The following FAM149A variants were observed in gnomAD, a reference collection of about 807,000 sequenced individuals.
FAM149A encodes protein FAM149A.
Under a neutral mutation model 78.2 loss-of-function variants are expected in FAM149A, and 71 were observed. The observed-to-expected ratio is 0.91, with a 90% CI of 0.75 to 1.11. The LOEUF is 1.11. Ranked by LOEUF, FAM149A falls within the 50% of genes least tolerant of loss-of-function variation. FAM149A has a pLI of 0.00. For missense variants in FAM149A, 1,036 were observed against 971.0 expected (o/e 1.07, Z -0.89); for synonymous variants, 446 against 410.5 (o/e 1.09, Z -1.04).
At chr4:186,167,162 G>C in intron 12 of FAM149A, 22 bp from the exon 13 acceptor site, 1 of 1,606,600 alleles carries the variant, frequency 6.2e-7, no homozygotes, top group Non-Finnish European at 8.5e-7. Context: ...ACTTGTCCCT[G>C]ATTTTATTTT....
intron 8 of FAM149A, among the ~76,000 whole-genome samples, chr4:186,161,830 C>T (rs1270698556): frequency 6.6e-6 from 1 of 152,238 alleles, no homozygotes; most frequent in Non-Finnish European, 1.5e-5. Context: ...GTGGTTGCCA[C>T]ATGTGCTCAT....
At chr4:186,160,094 TACAC>T (rs1276516272) in intron 8 of FAM149A, among the ~76,000 whole-genome samples, 1 of 83,810 alleles carries the variant, frequency 1.2e-5, no homozygotes. Context: ...ACATACCACA[TACAC>T]ACTACACACA....
In FAM149A at chr4:186,164,200, T is replaced by G. The variant is rs1193600489; in HGVS notation, c.1889+567T>G. Among the ~76,000 whole-genome samples, 1 of 152,214 alleles carries G rather than the reference T, an allele frequency of 6.6e-6. No homozygotes were observed. The highest frequency in any genetic ancestry group is 6.5e-5 in the Admixed American group (1 of 15,288). On this transcript the variant is annotated intron_variant, in intron 10 of 13. Transcript: ENST00000389354. This position sits in a 1 kb window ranked among gnomAD's most constrained non-coding sequence, Gnocchi z 4.0. ...TAATAGCTAATGTTTATTGATCACT[T>G]TCTTTGTTATCAGCGCCAGGTAAAT...
rs954813138 is a variant in FAM149A, at chr4:186,104,927, G to A, written c.-150G>A. The A allele has an allele frequency of 4.9e-5, 56 of 1,136,898 alleles. No individual in the cohort carries two copies. The highest frequency in any genetic ancestry group is 1.5e-4 in the Admixed American group (3 of 20,236). 70.4% of individuals were successfully genotyped at this position (1,136,898 alleles called of 1,614,324 possible). On this transcript the variant is annotated 5_prime_UTR_variant, in exon 1 of 14. Transcript: ENST00000389354. Reference sequence around the variant, plus strand: ...GGCGACCCCAGCGGCGCGGAGCTGAGCGTCCTCGGGGAGGAGAGGGAGCCA... The same window carrying A: ...GGCGACCCCAGCGGCGCGGAGCTGAACGTCCTCGGGGAGGAGAGGGAGCCA...
chr4:186,169,549 C>A, intron 13 of FAM149A: 2 of 985,452 alleles, frequency 2.0e-6, no homozygotes, highest in Non-Finnish European at 2.4e-6. Context: ...CGTCAGCCCA[C>A]CACGCTGCTC....
intron 1 of FAM149A, among the ~76,000 whole-genome samples, chr4:186,108,916 C>T (rs966915757): frequency 4.7e-5 from 7 of 150,200 alleles, no homozygotes; most frequent in Non-Finnish European, 1.0e-4. Flanking sequence ...GGCGCGATCT[C>T]GGCTCACTGC....
intron 6 of FAM149A, among the ~76,000 whole-genome samples, chr4:186,155,395 A>G (rs981853045): frequency 1.3e-5 from 2 of 152,246 alleles, no homozygotes; most frequent in Admixed American, 6.5e-5. Flanking sequence ...ACTGAAATCA[A>G]GCATCTTTTC....
intron 3 of FAM149A, among the ~76,000 whole-genome samples, chr4:186,150,413 C>CTCTCT (rs1733407678): frequency 1.2e-5 from 1 of 84,290 alleles, no homozygotes; most frequent in African/African-American, 6.0e-5. Context: ...CTCTCTGTCT[C>CTCTCT]TTTTTTTTTT....
At chr4:186,110,995 GT>G (rs1469292785) in intron 1 of FAM149A, among the ~76,000 whole-genome samples, 1 of 126,170 alleles carries the variant, frequency 7.9e-6, no homozygotes, top group Non-Finnish European at 1.6e-5. Flanking sequence ...GGTTGAACTA[GT>G]TTACAGTCCC....
intron 1 of FAM149A, chr4:186,146,836 T>C (rs1468715006): frequency 8.1e-6 from 8 of 985,344 alleles, no homozygotes; most frequent in Non-Finnish European, 9.6e-6. Context: ...GCATAAACAT[T>C]CAGAGTAATT....
rs1448858078 is a variant in FAM149A at position 186,167,028 on chromosome 4, T to A, written c.2071T>A (p.Ser691Thr). ...TGCCATGCCTGACGGTACAGAACGATCGCGTCTTCGAGAAAGAACAGCCAC... is the reference window on the plus strand; with the variant it reads ...TGCCATGCCTGACGGTACAGAACGAACGCGTCTTCGAGAAAGAACAGCCAC... Residue 691 changes from serine to threonine, a missense_variant, in exon 12 of 14, where the codon TCG becomes ACG. By Grantham distance (58) the Ser-to-Thr change is moderately conservative (BLOSUM62 1). Coordinates refer to ENST00000389354, the MANE Select transcript of FAM149A (RefSeq NM_001367768.3). The A allele has an allele frequency of 1.2e-6, 2 of 1,614,138 alleles. No homozygotes were observed. The highest frequency in any genetic ancestry group is 1.7e-6 in the Non-Finnish European group (2 of 1,180,000).
rs375785440 is a variant in FAM149A, at chr4:186,165,334, T to C, written c.1890-10T>C. The C allele has an allele frequency of 1.9e-6, 3 of 1,614,168 alleles. No individual in the cohort carries two copies. Among genetic ancestry groups the C allele is most frequent in the Non-Finnish European group, 2.5e-6 (3 of 1,180,002 alleles). ...ACCTGGGTGCTCAGTGACATGATGATGTGTTGCAGGCCGACTGGCGTGGAC... is the reference window on the plus strand; with the variant it reads ...ACCTGGGTGCTCAGTGACATGATGACGTGTTGCAGGCCGACTGGCGTGGAC... On this transcript the variant is annotated splice_polypyrimidine_tract_variant and intron_variant, in intron 10 of 13. Transcript: ENST00000389354.
At chr4:186,118,352 G>C (rs2099314603) in intron 1 of FAM149A, 1 of 485,756 alleles carries the variant, frequency 2.1e-6, no homozygotes, top group Admixed American at 6.4e-5. Context: ...CTTGTTCCCT[G>C]TCCATGAAGC....
In FAM149A at chr4:186,163,430, G is replaced by T; in HGVS notation, c.1686G>T (p.Glu562Asp). ...CACAGGATTTCCTTCCCAGGAATGA[G>T]AAGGAGGACAAAGCATCGGGTGGAG... Residue 562 changes from glutamate to aspartate, a missense_variant, in exon 10 of 14, where the codon GAG becomes GAT. By Grantham distance (45) the Glu-to-Asp change is conservative. This residue lies in a region of FAM149A where 716 missense variants were observed against 711.8 expected (regional missense o/e 1.01). Coordinates refer to ENST00000389354, the MANE Select transcript of FAM149A (RefSeq NM_001367768.3). The T allele has an allele frequency of 6.2e-7, 1 of 1,613,270 alleles. No homozygotes were observed. The highest frequency in any genetic ancestry group is 1.7e-5 in the Admixed American group (1 of 60,028).
chr4:186,158,207 C>T, intron 8 of FAM149A: 1 of 1,279,760 alleles, frequency 7.8e-7, no homozygotes, highest in Non-Finnish European at 1.0e-6. Flanking sequence ...CCGCTTCTCT[C>T]CTGGAACCTT....
chr4:186,144,944 C>T lies in FAM149A; in HGVS notation c.567-4229C>T, dbSNP rs1270169949. The T allele has an allele frequency of 1.2e-6, 1 of 867,032 alleles. No individual in the cohort carries two copies. Among genetic ancestry groups the T allele is most frequent in the Non-Finnish European group, 1.3e-6 (1 of 778,856 alleles). 53.7% of individuals were successfully genotyped at this position (867,032 alleles called of 1,614,324 possible). On this transcript the variant is annotated intron_variant, in intron 1 of 13. Transcript: ENST00000389354. The surrounding 1 kb of genome is among the most constrained non-coding windows in gnomAD (Gnocchi z 4.2). Reference sequence around the variant, plus strand: ...CGCGCGGCGGGCGCGGGCGCGGGCGCGGGCGCGGGCGCGGGCGGGTGGGGA... The same window carrying T: ...CGCGCGGCGGGCGCGGGCGCGGGCGTGGGCGCGGGCGCGGGCGGGTGGGGA...
Position 186,152,056 on chromosome 4 carries a change from G to A in FAM149A, c.932+11G>A. 3 of 1,613,122 alleles carry A rather than the reference G, an allele frequency of 1.9e-6. No homozygotes were observed. Among genetic ancestry groups the A allele is most frequent in the Non-Finnish European group, 2.5e-6 (3 of 1,179,886 alleles). On this transcript the variant is annotated intron_variant, in intron 4 of 13. Transcript: ENST00000389354. ...ATCCCTCCATTTGAGGTGGGACCTT[G>A]GTGGTGGAAGTTCTCTGGGGTGGGT... is the stretch of plus-strand genomic sequence containing the variant.
At chr4:186,137,389 C>T (rs28688222) in intron 1 of FAM149A, among the ~76,000 whole-genome samples, 65,788 of 151,828 alleles carry the variant, frequency 0.43, 16,123 homozygotes, top group African/African-American at 0.67. Context: ...CATACCCTGT[C>T]CCTCATGCAC....
chr4:186,112,838 G>C (rs2150080862), intron 1 of FAM149A, among the ~76,000 whole-genome samples: 1 of 67,106 alleles, frequency 1.5e-5, no homozygotes, highest in African/African-American at 5.1e-5. Context: ...TGTTCATCAA[G>C]GATATTGGTC....
Sources: allele counts gnomAD v4.1 joint callset (sites outside exome capture counted in the v4.1 genomes callset), GRCh38; gene constraint gnomAD v4.1.1; regional missense constraint gnomAD v4.1.1; non-coding constraint Gnocchi (gnomAD v3.1); transcripts MANE v1.5; gene names NCBI Gene and HGNC (gene_info 2026-07-23, HGNC 2026-07-21).